Variants in TUSC3 observed in about 807,000 individuals in gnomAD.
TUSC3 encodes tumor suppressor candidate 3, also known as dolichyl-diphosphooligosaccharide--protein glycosyltransferase subunit TUSC3.
Under a neutral mutation model 44.8 loss-of-function variants are expected in TUSC3, and 45 were observed. The ratio of observed to expected loss-of-function variants is 1.00; its 90% CI spans 0.79 to 1.29. TUSC3 has a LOEUF of 1.29. TUSC3 is among the 50% of genes most tolerant of loss of function. The pLI is 0.00. For synonymous variants in TUSC3, 212 were observed against 152.9 expected (o/e 1.39, Z -2.85); for missense variants, 519 against 437.9 (o/e 1.19, Z -1.65).
At chr8:15,554,241 T>C (rs969969976) in intron 1 of TUSC3, among the ~76,000 whole-genome samples, 6 of 151,830 alleles carry the variant, frequency 4.0e-5, no homozygotes, top group African/African-American at 1.4e-4. Flanking sequence ...CATGCAGACC[T>C]AGCAGGTAGG....
chr8:15,716,981 T>G (rs188156206), intron 6 of TUSC3, among the ~76,000 whole-genome samples: 19 of 152,272 alleles, frequency 1.2e-4, no homozygotes, highest in Admixed American at 5.9e-4. Flanking sequence ...AAATGTATTG[T>G]ATATTTAGTT....
intron 7 of TUSC3, among the ~76,000 whole-genome samples, chr8:15,735,867 TG>T (rs1810909508): frequency 1.9e-5 from 1 of 52,966 alleles, no homozygotes. Flanking sequence ...ACCCGGCTAA[TG>T]GGTTTTTTTT....
intron 2 of TUSC3, among the ~76,000 whole-genome samples, chr8:15,630,081 TCTC>T (rs1323184236): frequency 2.0e-5 from 3 of 152,170 alleles, no homozygotes; most frequent in Admixed American, 6.5e-5. Context: ...TTAGATGTAT[TCTC>T]CTACAAAGTT....
rs60092911 is a variant in TUSC3, at chr8:15,483,649, A to ATTTTTTTTTTTTTTTTTTTTT, written n.189+170_189+190dup. ...CCGTCGTGCCCAGCCTAGCACTGTG[A>ATTTTTTTTTTTTTTTTTTTTT]TTTTTTTTTTTTTTTTTTTTTTTTG... is the stretch of plus-strand genomic sequence containing the variant. On this transcript the variant is annotated intron_variant and non_coding_transcript_variant, in intron 2 of 5. Coordinates refer to the TUSC3 transcript ENST00000503191. 2.3e-4 allele frequency among the ~76,000 whole-genome samples: 15 copies of ATTTTTTTTTTTTTTTTTTTTT among 66,156 alleles called. 1 individual carries two copies. The highest frequency in any genetic ancestry group is 1.3e-3 in the East Asian group (2 of 1,490). The allele number at this position is 66,156 out of a possible 152,430, so 43.4% of individuals were successfully genotyped here. A position where few individuals can be genotyped will look rare whatever the true frequency, so the allele number is the denominator to read the frequency against.
chr8:15,492,167 T>C (rs967862510), intron 2 of TUSC3, among the ~76,000 whole-genome samples: 3 of 152,180 alleles, frequency 2.0e-5, no homozygotes, highest in African/African-American at 7.2e-5. Context: ...GCTATAGATA[T>C]GTGCAGGGGG....
At chr8:15,753,266 G>C (rs914143276) in intron 9 of TUSC3, among the ~76,000 whole-genome samples, 2 of 151,884 alleles carry the variant, frequency 1.3e-5, no homozygotes, top group Non-Finnish European at 2.9e-5. Flanking sequence ...TCACATTAAA[G>C]CCTTCTAATA....
intron 1 of TUSC3, among the ~76,000 whole-genome samples, chr8:15,464,599 A>C (rs957355198): frequency 2.0e-5 from 3 of 152,216 alleles, no homozygotes; most frequent in African/African-American, 7.2e-5. Context: ...TCAGTCTTTT[A>C]TATCTAATAA....
chr8:15,640,318 T>A (rs1202124414), intron 2 of TUSC3, among the ~76,000 whole-genome samples: 1 of 152,202 alleles, frequency 6.6e-6, no homozygotes, highest in Non-Finnish European at 1.5e-5. Flanking sequence ...CTTATCTGGT[T>A]CACTTCAGAC....
chr8:15,797,113 A>G, the TUSC3 span, among the ~76,000 whole-genome samples: 1 of 152,228 alleles, frequency 6.6e-6, no homozygotes, highest in African/African-American at 2.4e-5. Context: ...GCTTCTCTTT[A>G]TCAGAGGCAC....
the TUSC3 span, among the ~76,000 whole-genome samples, chr8:15,838,222 G>T: frequency 2.6e-5 from 4 of 152,080 alleles, no homozygotes; most frequent in African/African-American, 7.2e-5. Context: ...AGCACCTCCG[G>T]ATATATCATT....
intron 2 of TUSC3, among the ~76,000 whole-genome samples, chr8:15,493,235 G>A (rs999260566): frequency 6.6e-6 from 1 of 152,112 alleles, no homozygotes; most frequent in African/African-American, 2.4e-5. Flanking sequence ...TCTATTGTAT[G>A]AGTCCAACTT....
rs181387605 is a variant in TUSC3 at position 15,755,312 on chromosome 8, A to G, written c.1029-2479A>G. 5.0e-3 allele frequency among the ~76,000 whole-genome samples: 760 copies of G among 152,278 alleles called. 8 individuals carry two copies. The highest frequency in any genetic ancestry group is 9.4e-3 in the Non-Finnish European group (637 of 67,988). On this transcript the variant is annotated intron_variant, in intron 9 of 10. Coordinates refer to ENST00000503731, the MANE Select transcript of TUSC3 (RefSeq NM_006765.4). Reference sequence around the variant, plus strand: ...AGAGAATGCTTGGAAATCACTTAGCACATTGCCTGGTACATAGTACTGATT... The same window carrying G: ...AGAGAATGCTTGGAAATCACTTAGCGCATTGCCTGGTACATAGTACTGATT...
chr8:15,526,101 C>A (rs776893042), intron 2 of TUSC3, among the ~76,000 whole-genome samples: 1 of 151,868 alleles, frequency 6.6e-6, no homozygotes, highest in Admixed American at 6.6e-5. Flanking sequence ...GGCACCATCT[C>A]GGCTCACTGC....
chr8:15,750,022 C>T (rs1196301266), intron 9 of TUSC3, among the ~76,000 whole-genome samples: 1 of 150,178 alleles, frequency 6.7e-6, no homozygotes. Context: ...CTCTGTTGCC[C>T]AGGCTGGAGT....
At chr8:15,749,647 C>T (rs960079786) in intron 9 of TUSC3, among the ~76,000 whole-genome samples, 1 of 151,432 alleles carries the variant, frequency 6.6e-6, no homozygotes, top group African/African-American at 2.4e-5. Context: ...TCATTTTACT[C>T]TTGACTTTAG....
chr8:15,472,989 G>T (rs1053337562), intron 1 of TUSC3, among the ~76,000 whole-genome samples: 2 of 152,070 alleles, frequency 1.3e-5, no homozygotes, highest in African/African-American at 4.8e-5. Context: ...TTTCTAACCA[G>T]CAAATTATAG....
At chr8:15,644,539 C>G (rs147499155) in intron 2 of TUSC3, among the ~76,000 whole-genome samples, 34 of 152,232 alleles carry the variant, frequency 2.2e-4, no homozygotes, top group South Asian at 6.2e-4. Flanking sequence ...TCCAAGCTGA[C>G]AGAAACATAT....
intron 2 of TUSC3, among the ~76,000 whole-genome samples, chr8:15,503,509 G>C (rs1800998230): frequency 6.6e-6 from 1 of 151,824 alleles, no homozygotes; most frequent in South Asian, 2.1e-4. Flanking sequence ...AGTAGGCTTT[G>C]CTTCCTTCAA....
chr8:15,829,503 A>T, the TUSC3 span, among the ~76,000 whole-genome samples: 673 of 152,230 alleles, frequency 4.4e-3, 5 homozygotes, highest in African/African-American at 0.015. Context: ...CTTATTAGGT[A>T]CAGTTCAACA....
Sources: allele counts gnomAD v4.1 joint callset (sites outside exome capture counted in the v4.1 genomes callset), GRCh38; gene constraint gnomAD v4.1.1; transcripts MANE v1.5; gene names NCBI Gene and HGNC (gene_info 2026-07-23, HGNC 2026-07-21).